CCDC33: variants seen among roughly 807,000 people sequenced by gnomAD.
CCDC33 encodes the protein coiled-coil domain containing 33.
A neutral mutation model predicts 91.9 loss-of-function variants in CCDC33; 94 were observed. That is an observed-to-expected ratio of 1.02 (90% CI 0.87 to 1.21). The LOEUF (loss-of-function observed/expected upper bound fraction) is 1.21, where lower values mean the gene tolerates loss of function less well. CCDC33 is among the 50% of genes most tolerant of loss of function. The pLI, the probability that CCDC33 is intolerant of heterozygous loss-of-function variation, is 0.00. For missense variants in CCDC33, 940 were observed against 935.5 expected (o/e 1.00, Z -0.06); for synonymous variants, 396 against 374.5 (o/e 1.06, Z -0.66).
At chr15:74,281,013 G>C (rs1161814353) in intron 9 of CCDC33, among the ~76,000 whole-genome samples, 1 of 152,224 alleles carries the variant, frequency 6.6e-6, no homozygotes, top group African/African-American at 2.4e-5. Context: ...GACGAACCAA[G>C]CCAGAGAAAT....
At chr15:74,207,535 C>T (rs369046828) in intron 1 of CCDC33, among the ~76,000 whole-genome samples, 44 of 152,230 alleles carry the variant, frequency 2.9e-4, no homozygotes, top group African/African-American at 8.7e-4. Flanking sequence ...CAGAGACCCC[C>T]GTTGCTCTCC....
chr15:74,324,935 A>C, intron 11 of CCDC33, among the ~76,000 whole-genome samples: 1 of 120,220 alleles, frequency 8.3e-6, no homozygotes, highest in Non-Finnish European at 1.7e-5. Flanking sequence ...AAAAGGCCCC[A>C]GACTTCTCCC....
rs1162404201 is a variant in CCDC33 at position 74,218,585 on chromosome 15, G to T, written c.399G>T (p.Arg133=). 3.1e-6 allele frequency: 4 copies of T among 1,289,698 alleles called. No homozygotes were observed. Among genetic ancestry groups the T allele is most frequent in the East Asian group, 5.5e-5 (1 of 18,042 alleles). 79.9% of individuals were successfully genotyped at this position (1,289,698 alleles called of 1,614,324 possible). A position where few individuals can be genotyped will look rare whatever the true frequency, so the allele number is the denominator to read the frequency against. Reference sequence around the variant, plus strand: ...AACCCTTGGGACGGGCAGCCCAGCGGGTGGGTGAGGCCATCTTCCCCATCT... The same window carrying T: ...AACCCTTGGGACGGGCAGCCCAGCGTGTGGGTGAGGCCATCTTCCCCATCT... The change falls in exon 2 of 3, where the codon CGG becomes CGT. Residue 133 remains arginine, a synonymous_variant. Transcript: ENST00000635913. This position sits in a 1 kb window ranked among gnomAD's most constrained non-coding sequence, Gnocchi z 4.8.
intron 2 of CCDC33, among the ~76,000 whole-genome samples, chr15:74,256,070 G>A (rs1445148899): frequency 6.6e-6 from 1 of 152,260 alleles, no homozygotes; most frequent in Non-Finnish European, 1.5e-5. Context: ...ACAGGTCCCT[G>A]CCCTTGAGGG....
chr15:74,306,267 G>T (rs753430584), intron 11 of CCDC33, among the ~76,000 whole-genome samples: 2 of 152,124 alleles, frequency 1.3e-5, no homozygotes, highest in Non-Finnish European at 2.9e-5. Context: ...TGGGGCTCAG[G>T]GTCCTCAGGA....
chr15:74,241,302 T>A (rs1595921050), intron 1 of CCDC33, among the ~76,000 whole-genome samples: 1 of 152,116 alleles, frequency 6.6e-6, no homozygotes, highest in Non-Finnish European at 1.5e-5. Flanking sequence ...TAATTAGCCA[T>A]CTTGCTAGGC....
upstream of CCDC33, among the ~76,000 whole-genome samples, chr15:74,235,400 G>T (rs2075118990): frequency 6.6e-6 from 1 of 152,220 alleles, no homozygotes; most frequent in African/African-American, 2.4e-5. Context: ...CCTGCCTCCT[G>T]GCTGCCAGGC....
intron 8 of CCDC33, 129 bp downstream of exon 8, chr15:74,280,221 C>T (rs11853660): frequency 4.5e-6 from 5 of 1,110,056 alleles, no homozygotes; most frequent in Non-Finnish European, 6.4e-6. Flanking sequence ...AGGCGGCTTC[C>T]TAATGCAGGC....
intron 2 of CCDC33, among the ~76,000 whole-genome samples, chr15:74,255,445 G>T (rs1333796212): frequency 6.6e-6 from 1 of 152,242 alleles, no homozygotes; most frequent in Non-Finnish European, 1.5e-5. Flanking sequence ...GCAGGCTGTG[G>T]CCTACCCCTT....
At chr15:74,297,255 C>T (rs1567011369) in intron 11 of CCDC33, among the ~76,000 whole-genome samples, 2 of 152,214 alleles carry the variant, frequency 1.3e-5, no homozygotes, top group South Asian at 4.1e-4. Flanking sequence ...TTGGGATTAA[C>T]ATCCAGCTCA....
At chr15:74,276,615 G>A (rs2076457378) in intron 7 of CCDC33, among the ~76,000 whole-genome samples, 1 of 152,090 alleles carries the variant, frequency 6.6e-6, no homozygotes, top group African/African-American at 2.4e-5. Flanking sequence ...CTTCCCCTGG[G>A]CCCCCTGTTA....
chr15:74,302,620 C>T (rs982510631), intron 11 of CCDC33: 2 of 152,402 alleles, frequency 1.3e-5, no homozygotes, highest in Middle Eastern at 3.3e-3. Flanking sequence ...GACCACCCAT[C>T]CCTGTCTGTC....
intron 2 of CCDC33, among the ~76,000 whole-genome samples, chr15:74,247,001 C>T (rs371961195): frequency 4.0e-5 from 6 of 151,862 alleles, no homozygotes; most frequent in Admixed American, 1.3e-4. Flanking sequence ...AAAAATTAGC[C>T]GAGCGTGGTA....
chr15:74,275,959 G>A (rs1483764745), intron 7 of CCDC33, among the ~76,000 whole-genome samples: 2 of 152,134 alleles, frequency 1.3e-5, no homozygotes, highest in East Asian at 3.9e-4. Context: ...CTGAGGCACC[G>A]CACCCAGCAG....
In CCDC33 at chr15:74,295,905, A is replaced by G; in HGVS notation, c.1247A>G (p.Glu416Gly). The change falls in exon 11 of 19, where the codon GAA (glutamate) becomes GGA (glycine). Residue 416 changes from glutamate to glycine, a missense_variant. Transcript: ENST00000398814. Reference protein sequence around the residue: ...TMDLSTSTPREAEEEPLVPEM... With the variant: ...TMDLSTSTPRGAEEEPLVPEM... ...GACTTGAGCACGTCCACTCCACGAG[A>G]AGCAGAGGAGGAACCTCTGGTGCCT... 6.2e-7 allele frequency: 1 copy of G among 1,613,966 alleles called. No individual in the cohort carries two copies. The highest frequency in any genetic ancestry group is 8.5e-7 in the Non-Finnish European group (1 of 1,179,934).
chr15:74,233,713 C>T (rs575411008), upstream of CCDC33, among the ~76,000 whole-genome samples: 5 of 152,300 alleles, frequency 3.3e-5, no homozygotes, highest in South Asian at 1.0e-3. Context: ...CATAACCATC[C>T]GTGTTAAGAG....
At chr15:74,329,415 G>A (rs767116858) in intron 11 of CCDC33, among the ~76,000 whole-genome samples, 7 of 152,158 alleles carry the variant, frequency 4.6e-5, no homozygotes, top group Non-Finnish European at 8.8e-5. Context: ...ACCTCTCTGG[G>A]CCTTGGTTTC....
chr15:74,295,760 G>C lies in CCDC33; in HGVS notation c.1102G>C (p.Glu368Gln), dbSNP rs1188665597. 7.4e-6 allele frequency: 12 copies of C among 1,611,936 alleles called. No individual in the cohort carries two copies. The highest frequency in any genetic ancestry group is 9.3e-6 in the Non-Finnish European group (11 of 1,179,298). ...CTGCACCTTCTCTTCTCAGAGACCA[G>C]AAAACTTCTTGACACCAAACAACAG... ...SFQLLSSERPENFLTPNNSKA... is the reference protein window; with the variant it reads ...SFQLLSSERPQNFLTPNNSKA... Residue 368 changes from glutamate (E) to glutamine (Q), a missense_variant, in exon 11 of 19, where the codon GAA (glutamate) becomes CAA (glutamine). Coordinates refer to ENST00000398814, the MANE Select transcript of CCDC33 (RefSeq NM_025055.5).
upstream of CCDC33, among the ~76,000 whole-genome samples, chr15:74,214,830 G>A (rs1052922400): frequency 6.6e-6 from 1 of 152,182 alleles, no homozygotes; most frequent in Non-Finnish European, 1.5e-5. Flanking sequence ...AAATGAAATA[G>A]CCAAAAGAAC....
Sources: gnomAD v4.1 joint callset for allele counts (sites outside exome capture counted in the v4.1 genomes callset) on GRCh38, gnomAD v4.1.1 for gene constraint, Gnocchi (gnomAD v3.1) non-coding constraint, MANE v1.5 for transcripts, NCBI Gene and HGNC (gene_info 2026-07-23, HGNC 2026-07-21) for gene names.